The following CAMK2D variants were observed in gnomAD, a reference collection of about 807,000 sequenced individuals.
CAMK2D encodes calcium/calmodulin-dependent protein kinase type II subunit delta.
Under a neutral mutation model 84.0 loss-of-function variants are expected in CAMK2D, and 37 were observed. The observed-to-expected ratio is 0.44, with a 90% confidence interval of 0.34 to 0.58. The LOEUF (loss-of-function observed/expected upper bound fraction) is 0.58, where lower values mean the gene tolerates loss of function less well. Among genes scored for constraint, CAMK2D ranks in the 20% least tolerant of loss-of-function variants. The pLI is 0.02. For missense variants in CAMK2D, 448 were observed against 652.5 expected, an observed-to-expected ratio of 0.69 and a Z score of 3.41; for synonymous variants, 202 against 212.5, an observed-to-expected ratio of 0.95 and a Z score of 0.43.
At chr4:113,457,036 A>C (rs1369513137) in intron 19 of CAMK2D, 1 of 323,424 alleles carries the variant, frequency 3.1e-6, no homozygotes, top group African/African-American at 2.2e-5. Flanking sequence ...GAAGTCACAA[A>C]TATTTTGCCT....
chr4:113,691,670 T>G (rs576971001), intron 2 of CAMK2D, among the ~76,000 whole-genome samples: 57 of 152,088 alleles, frequency 3.7e-4, no homozygotes, highest in African/African-American at 1.0e-3. Context: ...AAAAAATCAC[T>G]TGAACCTGGG....
intron 2 of CAMK2D, among the ~76,000 whole-genome samples, chr4:113,689,011 A>G (rs1200186552): frequency 6.6e-6 from 1 of 151,528 alleles, no homozygotes; most frequent in African/African-American, 2.4e-5. Flanking sequence ...TTGGGAGGCC[A>G]AGGCGGGCAG....
At chr4:113,689,312 C>G (rs2099375184) in intron 2 of CAMK2D, among the ~76,000 whole-genome samples, 1 of 152,146 alleles carries the variant, frequency 6.6e-6, no homozygotes, top group Non-Finnish European at 1.5e-5. Context: ...ATTTCCTACT[C>G]TTGTCAATCT....
intron 12 of CAMK2D, chr4:113,513,021 T>C (rs1404155308): frequency 5.7e-6 from 1 of 174,104 alleles, no homozygotes; most frequent in Non-Finnish European, 1.1e-5. Flanking sequence ...AGTATTTATT[T>C]CCACAACTCG....
chr4:113,701,689 C>A (rs80117558), intron 2 of CAMK2D, among the ~76,000 whole-genome samples: 1 of 151,922 alleles, frequency 6.6e-6, no homozygotes, highest in East Asian at 1.9e-4. Context: ...TGAGACCGTA[C>A]GTAGGTTTTA....
intron 3 of CAMK2D, among the ~76,000 whole-genome samples, chr4:113,632,166 AC>A (rs1306545344): frequency 2.0e-5 from 3 of 152,294 alleles, no homozygotes; most frequent in African/African-American, 7.2e-5. Context: ...CAAATCCAAA[AC>A]AATGAAATAT....
chr4:113,583,318 G>A (rs1241104100), intron 4 of CAMK2D, among the ~76,000 whole-genome samples: 1 of 152,172 alleles, frequency 6.6e-6, no homozygotes, highest in African/African-American at 2.4e-5. Context: ...GTGGTATACT[G>A]AAGCTAACCT....
chr4:113,595,694 C>A (rs1272930939), intron 4 of CAMK2D, among the ~76,000 whole-genome samples: 1 of 152,162 alleles, frequency 6.6e-6, no homozygotes, highest in Non-Finnish European at 1.5e-5. Flanking sequence ...ATACCATGGT[C>A]TATTAAATGT....
At chr4:113,613,507 AACAG>A (rs2099009161) in intron 3 of CAMK2D, among the ~76,000 whole-genome samples, 1 of 152,176 alleles carries the variant, frequency 6.6e-6, no homozygotes, top group African/African-American at 2.4e-5. Context: ...ACAAGTACGT[AACAG>A]ACAATTTCCA....
intron 3 of CAMK2D, among the ~76,000 whole-genome samples, chr4:113,640,577 T>C (rs10488959): frequency 0.2 from 29,747 of 151,918 alleles, 4,991 homozygotes; most frequent in African/African-American, 0.45. Flanking sequence ...GGGGAAGGTA[T>C]GGAGCATTCA....
rs542854271 is a variant in CAMK2D at position 113,537,618 on chromosome 4, A to G, written c.415-175T>C. Among the ~76,000 whole-genome samples, 12 of 152,316 alleles carry G rather than the reference A, an allele frequency of 7.9e-5. No homozygotes were observed. In the East Asian group the frequency reaches 2.1e-3, roughly 27 times the overall value. Reference sequence around the variant, plus strand: ...TACAGTTAGAAAATGATTAAATATTATCATGTGTGCAGGCTTCAGACAGAT... The same window carrying G: ...TACAGTTAGAAAATGATTAAATATTGTCATGTGTGCAGGCTTCAGACAGAT... On this transcript the variant is annotated intron_variant, in intron 6 of 20. Transcript: ENST00000511664.
At chr4:113,629,802 TAGAA>T (rs201759281) in intron 3 of CAMK2D, among the ~76,000 whole-genome samples, 8,743 of 132,404 alleles carry the variant, frequency 0.066, 481 homozygotes, top group East Asian at 0.22. Flanking sequence ...AAAAAAAAAA[TAGAA>T]AGGGAGGAAA....
intron 2 of CAMK2D, among the ~76,000 whole-genome samples, chr4:113,675,466 G>C (rs1482860167): frequency 6.6e-6 from 1 of 152,184 alleles, no homozygotes; most frequent in Non-Finnish European, 1.5e-5. Context: ...AACATGAATG[G>C]AGGTGCAGAC....
intron 2 of CAMK2D, among the ~76,000 whole-genome samples, chr4:113,739,657 T>C (rs942084161): frequency 6.6e-6 from 1 of 152,198 alleles, no homozygotes; most frequent in African/African-American, 2.4e-5. Flanking sequence ...TAGATGTTTC[T>C]TTCAACTCCA....
chr4:113,505,422 C>T (rs773691322), intron 13 of CAMK2D, among the ~76,000 whole-genome samples: 123 of 152,212 alleles, frequency 8.1e-4, no homozygotes, highest in Non-Finnish European at 1.6e-3. Context: ...TTCTTTCTTC[C>T]CTCATTTTAT....
chr4:113,528,925 C>T (rs1440879451), intron 8 of CAMK2D, among the ~76,000 whole-genome samples: 5 of 152,094 alleles, frequency 3.3e-5, no homozygotes, highest in Admixed American at 6.6e-5. Context: ...TTTTAGAGTT[C>T]ATGCCTTAGA....
chr4:113,699,167 G>A (rs72895964), intron 2 of CAMK2D, among the ~76,000 whole-genome samples: 2,671 of 152,182 alleles, frequency 0.018, 90 homozygotes, highest in African/African-American at 0.061. Flanking sequence ...ACAGAGTACA[G>A]AAGAGGTTTG....
intron 4 of CAMK2D, among the ~76,000 whole-genome samples, chr4:113,555,504 G>A (rs1216060722): frequency 6.6e-6 from 1 of 152,154 alleles, no homozygotes; most frequent in East Asian, 1.9e-4. Context: ...AAATCCAAGC[G>A]TTTGAGCAGT....
rs553009575 is a variant in CAMK2D, at chr4:113,668,601, C to A, written c.161-6829G>T. On this transcript the variant is annotated intron_variant, in intron 2 of 20. Transcript: ENST00000511664. ...AAAAATTATTTATTTTACATGTATC[C>A]TATTATAAAAATAACTGTTTTTCAT... Among the ~76,000 whole-genome samples the A allele has an allele frequency of 3.2e-4, 48 of 151,950 alleles. 1 individual carries two copies. The South Asian group carries it at 9.4e-3, about 30-fold the overall frequency.
Sources: gnomAD v4.1 joint callset for allele counts (sites outside exome capture counted in the v4.1 genomes callset) on GRCh38, gnomAD v4.1.1 for gene constraint, MANE v1.5 for transcripts, NCBI Gene and HGNC (gene_info 2026-07-23, HGNC 2026-07-21) for gene names.